Variants in EEFSEC observed in about 807,000 individuals in gnomAD.
The protein encoded by EEFSEC is selenocysteine-specific elongation factor.
A neutral mutation model predicts 42.1 loss-of-function variants in EEFSEC; 43 were observed. The ratio of observed to expected loss-of-function variants is 1.02; its 90% CI spans 0.80 to 1.32. The LOEUF (loss-of-function observed/expected upper bound fraction) is 1.32, where lower values mean the gene tolerates loss of function less well. Ranked by LOEUF, EEFSEC falls within the 40% of genes most tolerant of loss-of-function variation. The probability of loss-of-function intolerance (pLI) is 0.00; values close to 1 mark genes in which losing one functional copy is unlikely to be tolerated. For missense variants in EEFSEC, 745 were observed against 803.6 expected (o/e 0.93, Z 0.88); for synonymous variants, 354 against 339.1 (o/e 1.04, Z -0.48).
At chr3:128,400,131 G>C (rs1372707837) in intron 6 of EEFSEC, among the ~76,000 whole-genome samples, 1 of 152,208 alleles carries the variant, frequency 6.6e-6, no homozygotes, top group Non-Finnish European at 1.5e-5. Context: ...CTCTTGGCCA[G>C]GCCTGCCTCC....
At chr3:128,267,891 G>A (rs568449473) in intron 4 of EEFSEC, among the ~76,000 whole-genome samples, 1 of 152,354 alleles carries the variant, frequency 6.6e-6, no homozygotes, top group African/African-American at 2.4e-5. Context: ...AGGGTTTTGA[G>A]AATGTTATAC....
chr3:128,203,713 GGAGT>G (rs2065665510), intron 1 of EEFSEC, among the ~76,000 whole-genome samples: 1 of 152,188 alleles, frequency 6.6e-6, no homozygotes, highest in Admixed American at 6.5e-5. Context: ...TCTACATTTT[GGAGT>G]GAGTGTGAGC....
At chr3:128,224,818 G>A (rs954360875) in intron 1 of EEFSEC, among the ~76,000 whole-genome samples, 1 of 152,110 alleles carries the variant, frequency 6.6e-6, no homozygotes, top group African/African-American at 2.4e-5. Context: ...CTTCAAATAT[G>A]GTTCCCTACC....
At chr3:128,421,214 A>G in the EEFSEC span, among the ~76,000 whole-genome samples, 1 of 152,182 alleles carries the variant, frequency 6.6e-6, no homozygotes, top group Non-Finnish European at 1.5e-5. Flanking sequence ...CAGGGTTACC[A>G]GTCTGGGCTC....
At chr3:128,210,613 GTTTAT>G (rs1033966544) in intron 1 of EEFSEC, among the ~76,000 whole-genome samples, 26 of 152,306 alleles carry the variant, frequency 1.7e-4, no homozygotes, top group African/African-American at 6.3e-4. Context: ...AGTCAGCAAT[GTTTAT>G]TTTAAGTTCC....
intron 2 of EEFSEC, among the ~76,000 whole-genome samples, chr3:128,252,333 C>T (rs1421636397): frequency 6.6e-6 from 1 of 152,184 alleles, no homozygotes; most frequent in Non-Finnish European, 1.5e-5. Context: ...TTGGGCGACT[C>T]ACTCCATCTC....
At chr3:128,220,350 G>A (rs1406899581) in intron 1 of EEFSEC, among the ~76,000 whole-genome samples, 1 of 152,178 alleles carries the variant, frequency 6.6e-6, no homozygotes, top group Non-Finnish European at 1.5e-5. Context: ...CTCCGTCATG[G>A]TGTTTATGTG....
At chr3:128,382,761 CT>C (rs1559950663) in intron 6 of EEFSEC, among the ~76,000 whole-genome samples, 1 of 152,084 alleles carries the variant, frequency 6.6e-6, no homozygotes, top group Non-Finnish European at 1.5e-5. Flanking sequence ...AACTCTTGCC[CT>C]TTTTCCCTCC....
At chr3:128,406,863 C>CAT (rs1208624878) in intron 6 of EEFSEC, among the ~76,000 whole-genome samples, 13 of 150,970 alleles carry the variant, frequency 8.6e-5, no homozygotes, top group Non-Finnish European at 1.3e-4. Flanking sequence ...CATATATATA[C>CAT]ATATATATAC....
At chr3:128,226,583 C>T (rs183741012) in intron 1 of EEFSEC, among the ~76,000 whole-genome samples, 27 of 152,312 alleles carry the variant, frequency 1.8e-4, no homozygotes, top group African/African-American at 5.1e-4. Context: ...CTTAGCTTTC[C>T]GGCCTGCTCC....
At chr3:128,313,630 AG>A (rs1263381596) in intron 4 of EEFSEC, among the ~76,000 whole-genome samples, 13 of 152,360 alleles carry the variant, frequency 8.5e-5, no homozygotes, top group African/African-American at 2.6e-4. Context: ...TTGGCAAGTC[AG>A]GCTCTTGGCA....
chr3:128,360,211 G>A (rs1374842221), intron 6 of EEFSEC, among the ~76,000 whole-genome samples: 1 of 152,228 alleles, frequency 6.6e-6, no homozygotes, highest in African/African-American at 2.4e-5. Context: ...AGGAGTCTTT[G>A]TGCATCGCTT....
At chr3:128,199,280 A>T (rs2065619389) in intron 1 of EEFSEC, among the ~76,000 whole-genome samples, 1 of 152,132 alleles carries the variant, frequency 6.6e-6, no homozygotes, top group Admixed American at 6.5e-5. Context: ...GAGCCTCCTC[A>T]CCCCTTTACG....
At chr3:128,368,896 G>A (rs182683432) in intron 6 of EEFSEC, among the ~76,000 whole-genome samples, 30 of 152,360 alleles carry the variant, frequency 2.0e-4, no homozygotes, top group African/African-American at 7.0e-4. Context: ...CTCCATGCCC[G>A]TATTGCTGGG....
chr3:128,351,563 C>T (rs1408452405), intron 5 of EEFSEC, among the ~76,000 whole-genome samples: 1 of 152,228 alleles, frequency 6.6e-6, no homozygotes, highest in African/African-American at 2.4e-5. Flanking sequence ...GCACGTTTGC[C>T]TGCCTTCCTT....
intron 6 of EEFSEC, among the ~76,000 whole-genome samples, chr3:128,367,381 G>A (rs2067602677): frequency 1.3e-5 from 2 of 152,222 alleles, no homozygotes; most frequent in Admixed American, 1.3e-4. Flanking sequence ...AACCGAGTCT[G>A]GGCTTGGGAA....
chr3:128,293,334 G>C (rs2066663922), intron 4 of EEFSEC, among the ~76,000 whole-genome samples: 1 of 152,112 alleles, frequency 6.6e-6, no homozygotes, highest in Non-Finnish European at 1.5e-5. Flanking sequence ...CTTCCTATAA[G>C]GACATCCTCT....
chr3:128,360,956 T>C lies in EEFSEC; in HGVS notation c.1600+2583T>C, dbSNP rs188913393. On this transcript the variant is annotated intron_variant, in intron 6 of 6. Transcript: ENST00000254730. ...TCCCTTTTAACCTTTTTGAAGTGCC[T>C]TAATTGTGAAAGAATCTTCAGGAAG... Among the ~76,000 whole-genome samples, 5 of 134,746 alleles carry C rather than the reference T, an allele frequency of 3.7e-5. No homozygotes were observed. The East Asian group carries it at 1.2e-3, about 31-fold the overall frequency. The allele number at this position is 134,746 out of a possible 152,430, so 88.4% of individuals were successfully genotyped here.
chr3:128,341,098 A>G (rs2067244683), intron 4 of EEFSEC, 135 bp from the exon 5 acceptor site: 3 of 1,083,470 alleles, frequency 2.8e-6, no homozygotes, highest in Admixed American at 5.2e-5. Flanking sequence ...CCTGGGCCCC[A>G]GACCCCCCTT....
Sources: gnomAD v4.1 joint callset for allele counts (sites outside exome capture counted in the v4.1 genomes callset) on GRCh38, gnomAD v4.1.1 for gene constraint, MANE v1.5 for transcripts, NCBI Gene and HGNC (gene_info 2026-07-23, HGNC 2026-07-21) for gene names.